PTPRT: variants seen among roughly 807,000 people sequenced by gnomAD.
PTPRT encodes receptor-type tyrosine-protein phosphatase T.
In PTPRT, 56 loss-of-function variants were observed where a neutral mutation model predicts 176.8. The observed-to-expected ratio is 0.32, with a 90% CI of 0.26 to 0.40. PTPRT has a LOEUF of 0.40. Among genes scored for constraint, PTPRT ranks in the 10% least tolerant of loss-of-function variants. PTPRT has a pLI of 1.00. For synonymous variants in PTPRT, 783 were observed against 739.0 expected (o/e 1.06, Z -0.96); for missense variants, 1,540 against 1,908.2 (o/e 0.81, Z 3.60).
intron 6 of PTPRT, among the ~76,000 whole-genome samples, chr20:42,679,862 A>G (rs564639233): frequency 5.9e-5 from 9 of 152,352 alleles, no homozygotes; most frequent in African/African-American, 2.2e-4. Context: ...GCTGCAATGA[A>G]CATCTTTGTG....
intron 15 of PTPRT, among the ~76,000 whole-genome samples, chr20:42,205,168 T>C (rs778643142): frequency 1.3e-5 from 2 of 151,896 alleles, no homozygotes; most frequent in Non-Finnish European, 2.9e-5. Flanking sequence ...AACGAAGGAA[T>C]TTCTAGCAAA....
At chr20:42,780,084 C>T in intron 4 of PTPRT, 134 bp downstream of exon 4, 1 of 786,036 alleles carries the variant, frequency 1.3e-6, no homozygotes, top group Non-Finnish European at 2.2e-6. Flanking sequence ...AGTATGTAAG[C>T]ATTTCTGAAG....
At chr20:42,156,821 C>T (rs1195490345) in intron 17 of PTPRT, among the ~76,000 whole-genome samples, 4 of 152,202 alleles carry the variant, frequency 2.6e-5, no homozygotes, top group African/African-American at 4.8e-5. Flanking sequence ...CCTGAGTCAT[C>T]GTTGTCTGTC....
chr20:43,072,180 A>G (rs1306308768), intron 1 of PTPRT, among the ~76,000 whole-genome samples: 1 of 152,230 alleles, frequency 6.6e-6, no homozygotes, highest in Non-Finnish European at 1.5e-5. Flanking sequence ...AAATTAATGC[A>G]ATTAAGAAGC....
chr20:42,462,360 G>A (rs1480039106), intron 8 of PTPRT, among the ~76,000 whole-genome samples: 6 of 152,150 alleles, frequency 3.9e-5, no homozygotes, highest in African/African-American at 4.8e-5. Context: ...AGTGGTTAGC[G>A]CAGTGGTGTG....
At chr20:43,180,891 C>G (rs2146481255) in intron 1 of PTPRT, among the ~76,000 whole-genome samples, 1 of 152,270 alleles carries the variant, frequency 6.6e-6, no homozygotes, top group Admixed American at 6.5e-5. Context: ...ATTCCTTCCC[C>G]TTGAGTGTGA....
In PTPRT at chr20:42,872,392, T is replaced by A. The variant is rs140407737; in HGVS notation, c.214+13415A>T. On this transcript the variant is annotated intron_variant, in intron 2 of 30. Coordinates refer to ENST00000373187, the MANE Select transcript of PTPRT (RefSeq NM_007050.6). ...ATCACTGCAGCTCTGCAAGGATGCGTGAGAACAGAGTACGTGCCTTAAGCT... is the reference window on the plus strand; with the variant it reads ...ATCACTGCAGCTCTGCAAGGATGCGAGAGAACAGAGTACGTGCCTTAAGCT... 4.6e-3 allele frequency among the ~76,000 whole-genome samples: 697 copies of A among 152,316 alleles called. 6 individuals carry two copies. Among genetic ancestry groups the A allele is most frequent in the African/African-American group, 0.016 (664 of 41,570 alleles).
At chr20:42,891,274 G>A (rs867994851) in intron 1 of PTPRT, among the ~76,000 whole-genome samples, 3 of 152,152 alleles carry the variant, frequency 2.0e-5, no homozygotes, top group Admixed American at 2.0e-4. Context: ...CAGGAGCTGG[G>A]CTCAGCTGAG....
intron 7 of PTPRT, among the ~76,000 whole-genome samples, chr20:42,476,183 T>G (rs970333976): frequency 6.6e-6 from 1 of 152,238 alleles, no homozygotes; most frequent in Non-Finnish European, 1.5e-5. Flanking sequence ...GAGAATTGCC[T>G]TTCTTGGAGA....
chr20:42,163,059 C>A (rs947441852), intron 16 of PTPRT, among the ~76,000 whole-genome samples: 4 of 152,198 alleles, frequency 2.6e-5, no homozygotes, highest in Non-Finnish European at 5.9e-5. Context: ...CACCCTAATG[C>A]TTTCACTTAT....
intron 28 of PTPRT, among the ~76,000 whole-genome samples, chr20:42,085,329 C>T (rs1983777627): frequency 6.6e-6 from 1 of 152,190 alleles, no homozygotes; most frequent in Non-Finnish European, 1.5e-5. Context: ...CTCTGCTCAG[C>T]CAGTGAACAT....
At chr20:42,910,555 C>T (rs778775993) in intron 1 of PTPRT, among the ~76,000 whole-genome samples, 5 of 152,138 alleles carry the variant, frequency 3.3e-5, no homozygotes, top group Admixed American at 3.3e-4. Flanking sequence ...CCCAAGTAAT[C>T]GACAGCTGGC....
chr20:43,171,329 G>A (rs2146460647), intron 1 of PTPRT, among the ~76,000 whole-genome samples: 1 of 152,284 alleles, frequency 6.6e-6, no homozygotes, highest in East Asian at 1.9e-4. Flanking sequence ...AACATTAAGT[G>A]AGCCCCGACT....
At chr20:42,685,980 T>A (rs940300255) in intron 6 of PTPRT, 1 of 152,192 alleles carries the variant, frequency 6.6e-6, no homozygotes, top group Non-Finnish European at 1.5e-5. Flanking sequence ...ACATCCATTT[T>A]CCCAGCAAGT....
At chr20:42,739,050 A>G (rs898563316) in intron 6 of PTPRT, among the ~76,000 whole-genome samples, 2 of 152,186 alleles carry the variant, frequency 1.3e-5, no homozygotes, top group Non-Finnish European at 2.9e-5. Flanking sequence ...ACAGAGTGAG[A>G]CCCTGTCTCA....
intron 16 of PTPRT, among the ~76,000 whole-genome samples, chr20:42,194,570 A>C (rs1991126935): frequency 6.6e-6 from 1 of 152,212 alleles, no homozygotes; most frequent in South Asian, 2.1e-4. Context: ...TGTGAACAAA[A>C]GAGATAAAGA....
intron 1 of PTPRT, among the ~76,000 whole-genome samples, chr20:42,967,585 G>A (rs1568707366): frequency 1.3e-5 from 2 of 152,116 alleles, no homozygotes; most frequent in Admixed American, 6.6e-5. Context: ...CCAGAACTGT[G>A]AGAGAACAAA....
At chr20:42,310,596 A>T (rs747828837) in intron 12 of PTPRT, among the ~76,000 whole-genome samples, 9 of 152,198 alleles carry the variant, frequency 5.9e-5, no homozygotes, top group Non-Finnish European at 1.3e-4. Context: ...GAAGCAATAC[A>T]ATGTGTTGCT....
chr20:43,082,572 A>G (rs2011470550), intron 1 of PTPRT, among the ~76,000 whole-genome samples: 1 of 152,156 alleles, frequency 6.6e-6, no homozygotes, highest in Non-Finnish European at 1.5e-5. Flanking sequence ...ATTTAGTTCC[A>G]GGTTGGTTAT....
Sources: gnomAD v4.1 joint callset for allele counts (sites outside exome capture counted in the v4.1 genomes callset) on GRCh38, gnomAD v4.1.1 for gene constraint, MANE v1.5 for transcripts, NCBI Gene and HGNC (gene_info 2026-07-23, HGNC 2026-07-21) for gene names.